Variants in XIRP2 observed in about 807,000 individuals in gnomAD.
XIRP2 encodes the protein xin actin binding repeat containing 2.
A neutral mutation model predicts 277.0 loss-of-function variants in XIRP2; 236 were observed. The ratio of observed to expected loss-of-function variants is 0.85; its 90% confidence interval spans 0.77 to 0.95. The LOEUF is 0.95. XIRP2 is among the 40% of genes least tolerant of loss of function. The pLI is 0.00. For synonymous variants in XIRP2, 1,490 were observed against 1,416.5 expected (o/e 1.05, Z -1.17); for missense variants, 4,640 against 4,157.5 (o/e 1.12, Z -3.19).
intron 4 of XIRP2, among the ~76,000 whole-genome samples, chr2:167,214,226 GAGGA>G (rs1295438859): frequency 0.016 from 1,044 of 67,308 alleles, 22 homozygotes; most frequent in Middle Eastern, 0.024. Flanking sequence ...GGGAGGGAGG[GAGGA>G]AGGAAGGAAG....
chr2:166,906,071 T>C (rs1574066479), intron 2 of XIRP2, among the ~76,000 whole-genome samples: 1 of 152,048 alleles, frequency 6.6e-6, no homozygotes, highest in Non-Finnish European at 1.5e-5. Flanking sequence ...ATTTATGTTT[T>C]TTGAGACTAC....
chr2:166,890,275 G>A (rs1684068659), intron 1 of XIRP2, among the ~76,000 whole-genome samples: 1 of 152,056 alleles, frequency 6.6e-6, no homozygotes, highest in Non-Finnish European at 1.5e-5. Flanking sequence ...TTACAGGCAT[G>A]AGCCACCGTG....
intron 2 of XIRP2, among the ~76,000 whole-genome samples, chr2:166,979,599 A>G (rs954799621): frequency 2.0e-5 from 3 of 151,944 alleles, no homozygotes; most frequent in African/African-American, 4.8e-5. Context: ...TACCATGAAT[A>G]GTATTAAAAT....
At chr2:167,154,041 C>G (rs1246339955) in intron 3 of XIRP2, among the ~76,000 whole-genome samples, 1 of 149,340 alleles carries the variant, frequency 6.7e-6, no homozygotes, top group Non-Finnish European at 1.5e-5. Flanking sequence ...TAAAAGTGTT[C>G]CTATTTCTCC....
At chr2:167,037,518 G>GGGGGGTGT (rs1553481078) in intron 2 of XIRP2, among the ~76,000 whole-genome samples, 1 of 126,380 alleles carries the variant, frequency 7.9e-6, no homozygotes, top group African/African-American at 3.3e-5. Context: ...TCATGTGGGG[G>GGGGGGTGT]GTGTGTGTGT....
At chr2:166,969,125 C>A (rs997340435) in intron 2 of XIRP2, among the ~76,000 whole-genome samples, 1 of 151,948 alleles carries the variant, frequency 6.6e-6, no homozygotes, top group East Asian at 1.9e-4. Flanking sequence ...TCTAAATCTA[C>A]GTGTTTCTTC....
chr2:167,248,266 C>T lies in XIRP2; in HGVS notation c.6874C>T (p.Pro2292Ser). Residue 2292 changes from proline (P) to serine (S), a missense_variant, in exon 9 of 11, where the codon CCA becomes TCA. Pro to Ser is a moderately conservative substitution (Grantham distance 74). Coordinates refer to ENST00000409195, the MANE Select transcript of XIRP2 (RefSeq NM_152381.6). ...AGAAAGTGAGTGCCCCCTTCCACCT[C>T]CATCTCCACCTCCTCCACCACCTTC... ...VKESECPLPP[P>S]SPPPPPPSNA... 1 of 1,611,084 alleles carries T rather than the reference C, an allele frequency of 6.2e-7. No individual in the cohort carries two copies. Among genetic ancestry groups the T allele is most frequent in the Non-Finnish European group, 8.5e-7 (1 of 1,178,836 alleles).
At chr2:167,231,382 A>T (rs762658924) in intron 5 of XIRP2, among the ~76,000 whole-genome samples, 2 of 152,026 alleles carry the variant, frequency 1.3e-5, no homozygotes, top group Non-Finnish European at 2.9e-5. Context: ...CTCATGGAAC[A>T]TACGTTACCA....
intron 2 of XIRP2, among the ~76,000 whole-genome samples, chr2:166,966,746 C>G (rs1574121992): frequency 6.6e-6 from 1 of 152,042 alleles, no homozygotes; most frequent in Non-Finnish European, 1.5e-5. Context: ...TAGAAGAAAG[C>G]AAAAGCTCTC....
chr2:167,002,673 C>A (rs1269531512), intron 2 of XIRP2, among the ~76,000 whole-genome samples: 4 of 151,840 alleles, frequency 2.6e-5, no homozygotes, highest in Admixed American at 6.6e-5. Context: ...ATAAGGATGT[C>A]TTATCTCACC....
chr2:167,235,337 A>T (rs1398779331), intron 5 of XIRP2, among the ~76,000 whole-genome samples: 1 of 151,956 alleles, frequency 6.6e-6, no homozygotes, highest in African/African-American at 2.4e-5. Flanking sequence ...GAAAGGGATG[A>T]CCAACCAAAA....
intron 2 of XIRP2, among the ~76,000 whole-genome samples, chr2:167,024,705 A>C (rs539722334): frequency 6.6e-6 from 1 of 152,218 alleles, no homozygotes; most frequent in Admixed American, 6.5e-5. Context: ...GCATCTATTG[A>C]GATAATCATG....
At chr2:167,025,392 T>C (rs1298160417) in intron 2 of XIRP2, among the ~76,000 whole-genome samples, 6 of 152,172 alleles carry the variant, frequency 3.9e-5, no homozygotes, top group Non-Finnish European at 7.3e-5. Flanking sequence ...TTGTTGATCT[T>C]TTCAAAAAAC....
At chr2:167,164,179 G>A (rs1435963467) in intron 3 of XIRP2, among the ~76,000 whole-genome samples, 1 of 151,984 alleles carries the variant, frequency 6.6e-6, no homozygotes, top group African/African-American at 2.4e-5. Flanking sequence ...AGCGGCTCAC[G>A]CCTGTAATCC....
intron 2 of XIRP2, among the ~76,000 whole-genome samples, chr2:166,934,195 C>CAAAAAAAAAAA (rs750753001): frequency 1.4e-5 from 1 of 71,568 alleles, no homozygotes. Flanking sequence ...AAATCAACAG[C>CAAAAAAAAAAA]AAAAAAAAAA....
chr2:167,174,656 C>A (rs1213344400), intron 3 of XIRP2, among the ~76,000 whole-genome samples: 1 of 152,152 alleles, frequency 6.6e-6, no homozygotes, highest in African/African-American at 2.4e-5. Context: ...CTTCTGCTAG[C>A]TTTTGAATTT....
chr2:167,141,432 T>C (rs1362869099), intron 3 of XIRP2, among the ~76,000 whole-genome samples: 1 of 152,022 alleles, frequency 6.6e-6, no homozygotes, highest in Non-Finnish European at 1.5e-5. Context: ...GATCATACAT[T>C]GGATGAAAAA....
chr2:167,082,822 C>A (rs1689780660), intron 2 of XIRP2, among the ~76,000 whole-genome samples: 1 of 151,972 alleles, frequency 6.6e-6, no homozygotes, highest in Non-Finnish European at 1.5e-5. Context: ...TGTTTCAGTT[C>A]ATTGTAGATT....
chr2:166,915,347 C>T (rs1050635832), intron 2 of XIRP2, among the ~76,000 whole-genome samples: 1 of 150,056 alleles, frequency 6.7e-6, no homozygotes, highest in African/African-American at 2.5e-5. Flanking sequence ...ATAAAGGAAC[C>T]TATGAACACA....
Sources: allele counts gnomAD v4.1 joint callset (sites outside exome capture counted in the v4.1 genomes callset), GRCh38; gene constraint gnomAD v4.1.1; transcripts MANE v1.5; gene names NCBI Gene and HGNC (gene_info 2026-07-23, HGNC 2026-07-21).